The following C1GALT1 variants were observed in gnomAD, a reference collection of about 807,000 sequenced individuals.
C1GALT1 encodes core 1 synthase, glycoprotein-N-acetylgalactosamine 3-beta-galactosyltransferase 1, also known as glycoprotein-N-acetylgalactosamine 3-beta-galactosyltransferase 1.
A neutral mutation model predicts 31.0 loss-of-function variants in C1GALT1; 11 were observed. That is an observed-to-expected ratio of 0.36 (90% CI 0.22 to 0.59). C1GALT1 has a LOEUF of 0.59. C1GALT1 is among the 20% of genes least tolerant of loss of function. C1GALT1 has a pLI of 0.79. For synonymous variants in C1GALT1, 175 were observed against 143.6 expected (o/e 1.22, Z -1.56); for missense variants, 424 against 425.2 (o/e 1.00, Z 0.03).
chr7:7,168,730 A>C (rs1780423209), intron 2 of C1GALT1, among the ~76,000 whole-genome samples: 1 of 152,228 alleles, frequency 6.6e-6, no homozygotes, highest in Non-Finnish European at 1.5e-5. Flanking sequence ...CTGTAAGAAT[A>C]TTGTCTACCT....
rs1168707661 is a variant in C1GALT1 at position 7,246,714 on chromosome 7, T to C, written c.*2987T>C. 1.3e-5 allele frequency: 2 copies of C among 152,432 alleles called. No individual in the cohort carries two copies. The highest frequency in any genetic ancestry group is 3.8e-4 in the East Asian group (2 of 5,200). The allele number at this position is 152,432 out of a possible 1,614,324, so 9.4% of individuals were successfully genotyped here. On this transcript the variant is annotated 3_prime_UTR_variant, in exon 4 of 4. Transcript: ENST00000436587. ...GGCTAGCAGTTGTGTTTAAGCAAAC[T>C]CTGCAGGTGTCTTTCTTATCCTAGT...
At chr7:7,185,190 C>A (rs1363056854) in intron 1 of C1GALT1, among the ~76,000 whole-genome samples, 3 of 152,112 alleles carry the variant, frequency 2.0e-5, no homozygotes, top group African/African-American at 4.8e-5. Context: ...TTATCTAGCA[C>A]CTGTAGTATG....
intron 2 of C1GALT1, among the ~76,000 whole-genome samples, chr7:7,167,674 G>A (rs1780412942): frequency 6.6e-6 from 1 of 151,720 alleles, no homozygotes; most frequent in South Asian, 2.1e-4. Context: ...GATTGTCCTT[G>A]GACATTCCAA....
In C1GALT1 at chr7:7,210,722, G is replaced by C. The variant is rs1231481829; in HGVS notation, c.-17-23581G>C. Among the ~76,000 whole-genome samples the C allele has an allele frequency of 2.0e-5, 3 of 152,166 alleles. 1 individual carries two copies. Among genetic ancestry groups the C allele is most frequent in the Non-Finnish European group, 4.4e-5 (3 of 68,036 alleles). ...ATATGCAAATACATGGCGCCATGAT[G>C]TTCTACGCTCGTCGGGATTCCAGGA... On this transcript the variant is annotated intron_variant, in intron 1 of 3. Transcript: ENST00000436587.
At chr7:7,203,238 A>G (rs1583773312) in intron 1 of C1GALT1, among the ~76,000 whole-genome samples, 1 of 151,846 alleles carries the variant, frequency 6.6e-6, no homozygotes, top group South Asian at 2.1e-4. Flanking sequence ...TTCCAGTACT[A>G]TGTTGAATAG....
chr7:7,210,732 C>T lies in C1GALT1; in HGVS notation c.-17-23571C>T, dbSNP rs540777182. ...ACATGGCGCCATGATGTTCTACGCT[C>T]GTCGGGATTCCAGGAACATGTAGGG... is the stretch of plus-strand genomic sequence containing the variant. On this transcript the variant is annotated intron_variant, in intron 1 of 3. Transcript: ENST00000436587. Among the ~76,000 whole-genome samples, 43 of 152,170 alleles carry T rather than the reference C, an allele frequency of 2.8e-4. No individual in the cohort carries two copies. The South Asian group carries it at 4.8e-3, about 17-fold the overall frequency.
At chr7:7,193,802 C>T (rs186761156) in intron 1 of C1GALT1, among the ~76,000 whole-genome samples, 11 of 152,262 alleles carry the variant, frequency 7.2e-5, no homozygotes, top group Admixed American at 5.2e-4. Context: ...TTCTACCCAT[C>T]CATGAGCATG....
At chr7:7,178,771 T>A (rs1439511489), upstream of C1GALT1, among the ~76,000 whole-genome samples, 2 of 152,248 alleles carry the variant, frequency 1.3e-5, no homozygotes, top group African/African-American at 4.8e-5. Flanking sequence ...AACACCTGCA[T>A]GTGTGCCAGG....
At chr7:7,210,731 TC>T (rs1781962450) in intron 1 of C1GALT1, among the ~76,000 whole-genome samples, 1 of 152,142 alleles carries the variant, frequency 6.6e-6, no homozygotes, top group African/African-American at 2.4e-5. Flanking sequence ...TGTTCTACGC[TC>T]GTCGGGATTC....
intron 1 of C1GALT1, among the ~76,000 whole-genome samples, chr7:7,214,340 G>A (rs906158724): frequency 6.6e-6 from 1 of 152,080 alleles, no homozygotes; most frequent in Non-Finnish European, 1.5e-5. Flanking sequence ...GACCTCTCAT[G>A]CATGCATTAA....
At position 7,248,547 on chromosome 7, in the gene C1GALT1, T is replaced by C. The variant is rs564445011; in HGVS notation, c.*4820T>C. The C allele has an allele frequency of 3.0e-4, 46 of 152,184 alleles. No individual in the cohort carries two copies. Among genetic ancestry groups the C allele is most frequent in the African/African-American group, 1.1e-3 (46 of 41,582 alleles). The allele number at this position is 152,184 out of a possible 1,614,324, so 9.4% of individuals were successfully genotyped here. ...AGAAAAATGTATTTTTAAATGTTTC[T>C]TGAAGTGCCTTTTGAACATTTTTAA... On this transcript the variant is annotated 3_prime_UTR_variant, in exon 4 of 4. Coordinates refer to ENST00000436587, the MANE Select transcript of C1GALT1 (RefSeq NM_020156.5).
rs182697508 is a variant in C1GALT1, at chr7:7,247,300, T to G, written c.*3573T>G. The G allele has an allele frequency of 7.9e-4, 120 of 152,264 alleles. No homozygotes were observed. Among genetic ancestry groups the G allele is most frequent in the African/African-American group, 2.9e-3 (119 of 41,570 alleles). The allele number at this position is 152,264 out of a possible 1,614,324, so 9.4% of individuals were successfully genotyped here. ...GATCTTTGTTATTTGGTAAATGATTTCAGTATGGTTTTAAAACATAAGGCT... is the reference window on the plus strand; with the variant it reads ...GATCTTTGTTATTTGGTAAATGATTGCAGTATGGTTTTAAAACATAAGGCT... On this transcript the variant is annotated 3_prime_UTR_variant, in exon 4 of 4. Transcript: ENST00000436587.
At chr7:7,204,372 C>T (rs936821581) in intron 1 of C1GALT1, among the ~76,000 whole-genome samples, 1 of 151,808 alleles carries the variant, frequency 6.6e-6, no homozygotes, top group Admixed American at 6.6e-5. Flanking sequence ...TTTATAGTAT[C>T]CTCTTATCAT....
intron 1 of C1GALT1, among the ~76,000 whole-genome samples, chr7:7,219,457 A>C (rs1419655135): frequency 6.6e-6 from 1 of 152,188 alleles, no homozygotes; most frequent in African/African-American, 2.4e-5. Flanking sequence ...AGTATTGGGA[A>C]ATCTCTGTTC....
chr7:7,202,106 A>T (rs1781552375), intron 1 of C1GALT1, among the ~76,000 whole-genome samples: 1 of 152,154 alleles, frequency 6.6e-6, no homozygotes, highest in Non-Finnish European at 1.5e-5. Flanking sequence ...TTCTCTCGTG[A>T]ATTGGCCCTT....
chr7:7,242,818 T>C (rs554932325), intron 3 of C1GALT1, among the ~76,000 whole-genome samples: 9 of 152,244 alleles, frequency 5.9e-5, no homozygotes, highest in African/African-American at 2.2e-4. Context: ...GGCCACCTGA[T>C]ATGATTTTTC....
In C1GALT1 at chr7:7,244,955, A is replaced by G. The variant is rs556982901; in HGVS notation, c.*1228A>G. On this transcript the variant is annotated 3_prime_UTR_variant, in exon 4 of 4. Coordinates refer to ENST00000436587, the MANE Select transcript of C1GALT1 (RefSeq NM_020156.5). ...AATTGTTTTGCTAATGGATAATTCT[A>G]ACAATGCAGAATACCTAGTCAAGAC... The G allele has an allele frequency of 4.1e-4, 63 of 152,362 alleles. No homozygotes were observed. The highest frequency in any genetic ancestry group is 1.5e-3 in the African/African-American group (62 of 41,592). The allele number at this position is 152,362 out of a possible 1,614,324, so 9.4% of individuals were successfully genotyped here.
At position 7,241,424 on chromosome 7, in the gene C1GALT1, C is replaced by A. The variant is rs7798513; in HGVS notation, c.889-2100C>A. 4.2e-3 allele frequency among the ~76,000 whole-genome samples: 639 copies of A among 152,046 alleles called. 5 individuals are homozygous for A. Among genetic ancestry groups the A allele is most frequent in the African/African-American group, 0.014 (587 of 41,550 alleles). ...TATTGTTTTGAACCTTGTAGCTTTA[C>A]AGCAGTTTTAAGTTACTATTCTAAG... On this transcript the variant is annotated intron_variant, in intron 3 of 3. Transcript: ENST00000436587.
chr7:7,234,170 G>T, intron 1 of C1GALT1, 133 bp from the exon 2 acceptor site: 1 of 668,770 alleles, frequency 1.5e-6, no homozygotes, highest in South Asian at 2.0e-5. Context: ...AAATAGAGGG[G>T]TAAACTCATA....
Sources: gnomAD v4.1 joint callset for allele counts (sites outside exome capture counted in the v4.1 genomes callset) on GRCh38, gnomAD v4.1.1 for gene constraint, MANE v1.5 for transcripts, NCBI Gene and HGNC (gene_info 2026-07-23, HGNC 2026-07-21) for gene names.